SUSD6: variants seen among roughly 807,000 people sequenced by gnomAD.
The protein encoded by SUSD6 is sushi domain containing 6.
SUSD6 carries 16 observed loss-of-function variants against 28.4 expected under a neutral mutation model. The ratio of observed to expected loss-of-function variants is 0.56; its 90% CI spans 0.38 to 0.86. SUSD6 has a LOEUF of 0.86. SUSD6 is among the 40% of genes least tolerant of loss of function. The pLI is 0.00. For synonymous variants in SUSD6, 147 were observed against 159.6 expected (o/e 0.92, Z 0.59); for missense variants, 341 against 384.2 (o/e 0.89, Z 0.94).
At chr14:69,678,903 C>CT (rs1885957243) in intron 2 of SUSD6, among the ~76,000 whole-genome samples, 1 of 152,202 alleles carries the variant, frequency 6.6e-6, no homozygotes, top group South Asian at 2.1e-4. Context: ...TGCAGAATTT[C>CT]TCTGGTATCT....
chr14:69,620,113 G>A (rs1268211426), intron 1 of SUSD6, among the ~76,000 whole-genome samples: 1 of 152,200 alleles, frequency 6.6e-6, no homozygotes, highest in Non-Finnish European at 1.5e-5. Context: ...CCAATGATAT[G>A]TTATCTGGTC....
intron 1 of SUSD6, among the ~76,000 whole-genome samples, chr14:69,622,341 AT>A (rs959288840): frequency 6.6e-6 from 1 of 151,192 alleles, no homozygotes; most frequent in Non-Finnish European, 1.5e-5. Flanking sequence ...ATTTTTTTGG[AT>A]TTTTTTGCAG....
intron 1 of SUSD6, among the ~76,000 whole-genome samples, chr14:69,616,468 A>G (rs114606317): frequency 8.2e-4 from 125 of 152,354 alleles, no homozygotes; most frequent in African/African-American, 2.8e-3. Context: ...GCTTCTGGGA[A>G]TGGCATAAGA....
intron 2 of SUSD6, among the ~76,000 whole-genome samples, chr14:69,687,096 T>A (rs1886084458): frequency 6.6e-6 from 1 of 152,174 alleles, no homozygotes; most frequent in African/African-American, 2.4e-5. Flanking sequence ...TGCCTCAGCC[T>A]CCCGAGTAGC....
chr14:69,678,417 A>T (rs1162721226), intron 2 of SUSD6, among the ~76,000 whole-genome samples: 1 of 151,754 alleles, frequency 6.6e-6, no homozygotes, highest in African/African-American at 2.4e-5. Context: ...TGCAGTGATG[A>T]TATGTAACAG....
chr14:69,670,559 A>C (rs1885815587), intron 2 of SUSD6: 1 of 455,428 alleles, frequency 2.2e-6, no homozygotes, highest in African/African-American at 2.0e-5. Context: ...CAGGTGAAGA[A>C]GGCAGTGCCT....
At chr14:69,637,772 A>G (rs1214530128) in intron 1 of SUSD6, among the ~76,000 whole-genome samples, 2 of 152,160 alleles carry the variant, frequency 1.3e-5, no homozygotes, top group African/African-American at 2.4e-5. Context: ...CCAGCTGCCC[A>G]GGGCTGGGCC....
At position 69,709,068 on chromosome 14, in the gene SUSD6, A is replaced by C. The variant is rs1886426393; in HGVS notation, c.850A>C (p.Ser284Arg). ...TADSENSDIQ[S>R]LLSLTSEEYT... is the part of the protein sequence containing the mutation. ...AGATTCAGAGAACAGTGACATACAAAGCCTTTTATCCCTCACGTCAGAGGA... is the reference window on the plus strand; with the variant it reads ...AGATTCAGAGAACAGTGACATACAACGCCTTTTATCCCTCACGTCAGAGGA... Residue 284 changes from serine to arginine, a missense_variant, in exon 5 of 6, where the codon AGC becomes CGC. Physicochemically the swap from Ser to Arg is moderately radical, Grantham distance 110. Transcript: ENST00000342745. 2 of 1,611,442 alleles carry C rather than the reference A, an allele frequency of 1.2e-6. No homozygotes were observed. The highest frequency in any genetic ancestry group is 1.7e-4 in the Middle Eastern group (1 of 6,052).
chr14:69,639,968 T>TTTTTG (rs1400567247), intron 1 of SUSD6, among the ~76,000 whole-genome samples: 20 of 148,148 alleles, frequency 1.4e-4, no homozygotes, highest in African/African-American at 5.0e-4. Flanking sequence ...TTTTTTTTTT[T>TTTTTG]TTTTTTTTTT....
chr14:69,633,890 C>T (rs368263714), intron 1 of SUSD6, among the ~76,000 whole-genome samples: 1 of 152,192 alleles, frequency 6.6e-6, no homozygotes, highest in Non-Finnish European at 1.5e-5. Context: ...AGGTGAAAGG[C>T]GACCTGATAG....
chr14:69,622,581 C>T (rs1885057105), intron 1 of SUSD6, among the ~76,000 whole-genome samples: 1 of 152,108 alleles, frequency 6.6e-6, no homozygotes, highest in Non-Finnish European at 1.5e-5. Flanking sequence ...GTAAAGATTT[C>T]TTCATTTTAC....
chr14:69,646,392 T>C (rs1404309797), intron 1 of SUSD6, among the ~76,000 whole-genome samples: 1 of 152,152 alleles, frequency 6.6e-6, no homozygotes, highest in Non-Finnish European at 1.5e-5. Context: ...CTAGGTGAGC[T>C]CATCTATTTT....
intron 2 of SUSD6, among the ~76,000 whole-genome samples, chr14:69,662,925 C>T (rs1355960539): frequency 2.0e-5 from 3 of 152,258 alleles, no homozygotes; most frequent in Non-Finnish European, 4.4e-5. Flanking sequence ...GATGTAATTC[C>T]CAAATAACAA....
chr14:69,615,355 G>A (rs1426669395), intron 1 of SUSD6, among the ~76,000 whole-genome samples: 1 of 152,168 alleles, frequency 6.6e-6, no homozygotes, highest in Middle Eastern at 3.2e-3. Flanking sequence ...TTGGATGAGT[G>A]TAAGTTTGTG....
intron 1 of SUSD6, among the ~76,000 whole-genome samples, chr14:69,648,708 C>G (rs896843080): frequency 6.6e-6 from 1 of 152,118 alleles, no homozygotes; most frequent in Non-Finnish European, 1.5e-5. Context: ...TCAGCCAGCT[C>G]TCTAGGGTTT....
At chr14:69,689,555 C>G (rs1235589058) in intron 2 of SUSD6, among the ~76,000 whole-genome samples, 1 of 152,208 alleles carries the variant, frequency 6.6e-6, no homozygotes, top group East Asian at 1.9e-4. Context: ...CCTTGAATTT[C>G]TAGCAGCAGC....
intron 1 of SUSD6, among the ~76,000 whole-genome samples, chr14:69,646,284 G>A (rs1294738763): frequency 1.3e-5 from 2 of 152,138 alleles, no homozygotes; most frequent in South Asian, 4.1e-4. Flanking sequence ...ACCTTTTGGA[G>A]TATCTCTCAT....
chr14:69,709,559 C>G (rs1886434227), intron 5 of SUSD6, among the ~76,000 whole-genome samples: 1 of 152,212 alleles, frequency 6.6e-6, no homozygotes, highest in Admixed American at 6.5e-5. Flanking sequence ...TTTTCTTGCA[C>G]TATCTCAGTT....
chr14:69,677,246 A>G (rs940905429), intron 2 of SUSD6, among the ~76,000 whole-genome samples: 1 of 152,162 alleles, frequency 6.6e-6, no homozygotes, highest in African/African-American at 2.4e-5. Context: ...GCTCAGAGTT[A>G]CTCATGTTAC....
Sources: allele counts gnomAD v4.1 joint callset (sites outside exome capture counted in the v4.1 genomes callset), GRCh38; gene constraint gnomAD v4.1.1; transcripts MANE v1.5; gene names NCBI Gene and HGNC (gene_info 2026-07-23, HGNC 2026-07-21).